Variants in FAAH2 observed in about 807,000 individuals in gnomAD.
FAAH2 encodes fatty-acid amide hydrolase 2.
In FAAH2, 60 loss-of-function variants were observed where a neutral mutation model predicts 36.9. The ratio of observed to expected loss-of-function variants is 1.63; its 90% CI spans 1.32 to 2.02. FAAH2 has a LOEUF of 2.02. Among genes scored for constraint, FAAH2 ranks in the 30% most tolerant of loss-of-function variants. The pLI is 0.00. For synonymous variants in FAAH2, 214 were observed against 143.8 expected, an observed-to-expected ratio of 1.49 and a Z score of -3.49; for missense variants, 689 against 397.5, an observed-to-expected ratio of 1.73 and a Z score of -6.23.
At chrX:57,150,609 C>A in the FAAH2 span, among the ~76,000 whole-genome samples, 3 of 111,593 alleles carry the variant, frequency 2.7e-5, no homozygotes, top group Non-Finnish European at 5.6e-5. Flanking sequence ...TTTCCATTTG[C>A]TTGGTAGATC....
At chrX:57,156,838 C>T in the FAAH2 span, among the ~76,000 whole-genome samples, 1 of 111,940 alleles carries the variant, frequency 8.9e-6, no homozygotes, top group Non-Finnish European at 1.9e-5. Flanking sequence ...CTGGGTTGCA[C>T]TTGAAGCCCA....
At chrX:57,350,777 C>A (rs1356611066) in intron 5 of FAAH2, among the ~76,000 whole-genome samples, 1 of 110,856 alleles carries the variant, frequency 9.0e-6, no homozygotes, top group Admixed American at 9.6e-5. Context: ...ATAAAGAAAT[C>A]AATTCAGCAA....
chrX:57,337,415 C>A (rs753316295), intron 4 of FAAH2, among the ~76,000 whole-genome samples: 10 of 111,262 alleles, frequency 9.0e-5, no homozygotes, highest in African/African-American at 3.3e-4. Flanking sequence ...ATGAGGCCAG[C>A]ATCATCCTGA....
intron 7 of FAAH2, among the ~76,000 whole-genome samples, chrX:57,381,987 A>C (rs2054863681): frequency 8.9e-6 from 1 of 112,023 alleles, no homozygotes; most frequent in Non-Finnish European, 1.9e-5. Context: ...CTCAGACCAT[A>C]GTGCAAACAA....
At chrX:57,183,313 G>T in the FAAH2 span, among the ~76,000 whole-genome samples, 243 of 111,468 alleles carry the variant, frequency 2.2e-3, 2 homozygotes, top group African/African-American at 7.6e-3. Flanking sequence ...AAGCAGATGG[G>T]AAGTTAGTCA....
chrX:57,292,707 C>G, intron 2 of FAAH2, 127 bp downstream of exon 2: 2 of 453,602 alleles, frequency 4.4e-6, no homozygotes, highest in Non-Finnish European at 7.2e-6. Flanking sequence ...TCACTGGGAA[C>G]TTCTCTGACT....
chrX:57,267,914 C>T, the FAAH2 span, among the ~76,000 whole-genome samples: 5 of 112,295 alleles, frequency 4.5e-5, no homozygotes, highest in African/African-American at 1.6e-4. Flanking sequence ...TGCACAAATG[C>T]TAAAAACTCA....
chrX:57,186,964 A>T, the FAAH2 span, among the ~76,000 whole-genome samples: 1 of 111,643 alleles, frequency 9.0e-6, no homozygotes, highest in East Asian at 2.8e-4. Flanking sequence ...TGATTACTGT[A>T]CCCTTGTAGT....
At chrX:57,394,874 C>A in intron 7 of FAAH2, 1 of 980,760 alleles carries the variant, frequency 1.0e-6, no homozygotes, top group South Asian at 1.9e-5. Context: ...AAGCAAGTCA[C>A]GCATCAGGGC....
chrX:57,391,342 T>C (rs1290910693), intron 7 of FAAH2, among the ~76,000 whole-genome samples: 1 of 111,868 alleles, frequency 8.9e-6, no homozygotes, highest in Non-Finnish European at 1.9e-5. Context: ...TTGTGTACTT[T>C]TGTTTTCGTT....
chrX:57,265,477 G>A, the FAAH2 span, among the ~76,000 whole-genome samples: 1 of 111,756 alleles, frequency 8.9e-6, no homozygotes, highest in African/African-American at 3.3e-5. Flanking sequence ...TGCTGTTTGG[G>A]TGACTTAGCC....
chrX:57,158,195 T>C, the FAAH2 span, among the ~76,000 whole-genome samples: 1 of 112,129 alleles, frequency 8.9e-6, no homozygotes, highest in Non-Finnish European at 1.9e-5. Context: ...TTTTTATGGC[T>C]GCATAGTATT....
At chrX:57,280,694 C>T in the FAAH2 span, among the ~76,000 whole-genome samples, 2 of 109,903 alleles carry the variant, frequency 1.8e-5, no homozygotes, top group African/African-American at 6.6e-5. Context: ...TATGGCCCAG[C>T]AATTGCACTC....
intron 10 of FAAH2, among the ~76,000 whole-genome samples, chrX:57,486,591 C>T (rs778231970): frequency 3.1e-4 from 35 of 111,608 alleles, no homozygotes; most frequent in Admixed American, 1.8e-3. Context: ...TTGTTTCTAA[C>T]AAATCTCAGG....
the FAAH2 span, among the ~76,000 whole-genome samples, chrX:57,152,816 G>T: frequency 1.8e-5 from 2 of 111,010 alleles, no homozygotes; most frequent in Non-Finnish European, 3.8e-5. Flanking sequence ...AGATGAACCC[G>T]GTACCTCAGA....
intron 5 of FAAH2, among the ~76,000 whole-genome samples, chrX:57,359,675 T>C (rs892979566): frequency 2.7e-5 from 3 of 112,048 alleles, no homozygotes; most frequent in African/African-American, 9.7e-5. Context: ...TTCATGTTTT[T>C]GTCCTTTAAT....
upstream of FAAH2, among the ~76,000 whole-genome samples, chrX:57,281,834 C>A (rs754571801): frequency 9.0e-6 from 1 of 111,331 alleles, no homozygotes; most frequent in African/African-American, 3.3e-5. Context: ...GTTTTCTGTT[C>A]CTGTGATAGT....
At chrX:57,257,291 C>T in the FAAH2 span, among the ~76,000 whole-genome samples, 1 of 111,745 alleles carries the variant, frequency 8.9e-6, no homozygotes, top group African/African-American at 3.3e-5. Context: ...TGGAACCAAC[C>T]CAAATATTTA....
chrX:57,308,982 C>T (rs1569247033), intron 2 of FAAH2, among the ~76,000 whole-genome samples: 1 of 111,867 alleles, frequency 8.9e-6, no homozygotes, highest in Non-Finnish European at 1.9e-5. Flanking sequence ...TTTTTTAATA[C>T]TTTGAATATT....
Sources: allele counts gnomAD v4.1 joint callset (sites outside exome capture counted in the v4.1 genomes callset), GRCh38; gene constraint gnomAD v4.1.1; transcripts MANE v1.5; gene names NCBI Gene and HGNC (gene_info 2026-07-23, HGNC 2026-07-21).